Variants in FMNL3 observed in about 807,000 individuals in gnomAD.
FMNL3 encodes formin-like protein 3.
FMNL3 carries 57 observed loss-of-function variants against 119.6 expected under a neutral mutation model. That is an observed-to-expected ratio of 0.48 (90% CI 0.39 to 0.59). The LOEUF (loss-of-function observed/expected upper bound fraction) is 0.59. Among genes scored for constraint, FMNL3 ranks in the 20% least tolerant of loss-of-function variants. The pLI is 0.00. For missense variants in FMNL3, 1,053 were observed against 1,323.5 expected (o/e 0.80, Z 3.17); for synonymous variants, 491 against 507.3 (o/e 0.97, Z 0.43).
chr12:49,687,251 G>A (rs933918953), intron 1 of FMNL3, among the ~76,000 whole-genome samples: 11 of 150,474 alleles, frequency 7.3e-5, no homozygotes, highest in Non-Finnish European at 1.5e-4. Flanking sequence ...CCGCCACCAC[G>A]CCCGGCTAAT....
intron 1 of FMNL3, among the ~76,000 whole-genome samples, chr12:49,682,598 T>C: frequency 6.6e-6 from 1 of 152,264 alleles, no homozygotes; most frequent in Non-Finnish European, 1.5e-5. Context: ...CCTCCCGCCT[T>C]GGCCTCCCAA....
intron 5 of FMNL3, among the ~76,000 whole-genome samples, chr12:49,660,485 C>T (rs1943700473): frequency 6.6e-6 from 1 of 152,182 alleles, no homozygotes; most frequent in Non-Finnish European, 1.5e-5. Context: ...AAGAGAATCA[C>T]ACGAGGTATG....
chr12:49,694,068 C>T (rs1435677439), intron 1 of FMNL3, among the ~76,000 whole-genome samples: 1 of 152,030 alleles, frequency 6.6e-6, no homozygotes, highest in Non-Finnish European at 1.5e-5. Context: ...ACTACAGGCA[C>T]ATGCTACCAC....
At chr12:49,650,952 C>G in intron 16 of FMNL3, 74 bp from the exon 17 acceptor site, 1 of 1,555,820 alleles carries the variant, frequency 6.4e-7, no homozygotes, top group South Asian at 1.1e-5. Context: ...GCCCACCCAG[C>G]ATTGGCCCAG....
intron 1 of FMNL3, among the ~76,000 whole-genome samples, chr12:49,696,212 TATAATAC>T (rs1944746177): frequency 6.6e-6 from 1 of 152,196 alleles, no homozygotes; most frequent in Non-Finnish European, 1.5e-5. Context: ...CTAAACTGTT[TATAATAC>T]ATAATACAAT....
At chr12:49,668,607 G>C (rs910253919) in intron 1 of FMNL3, 53 bp from the exon 2 acceptor site, 21 of 1,532,024 alleles carry the variant, frequency 1.4e-5, no homozygotes, top group Non-Finnish European at 1.8e-5. Context: ...ATCTGGAAAA[G>C]AGAAAGACTA....
intron 4 of FMNL3, among the ~76,000 whole-genome samples, chr12:49,663,491 C>T (rs1479836725): frequency 6.6e-6 from 1 of 152,250 alleles, no homozygotes; most frequent in African/African-American, 2.4e-5. Flanking sequence ...GAAGCACCCA[C>T]AATCTGACAA....
chr12:49,665,789 G>T, intron 4 of FMNL3, 43 bp downstream of exon 4: 1 of 1,589,318 alleles, frequency 6.3e-7, no homozygotes, highest in Non-Finnish European at 8.6e-7. Context: ...CCAGCCAGCA[G>T]CCTGGGGCCA....
chr12:49,694,721 C>T (rs1013802535), intron 1 of FMNL3, among the ~76,000 whole-genome samples: 2 of 152,062 alleles, frequency 1.3e-5, no homozygotes, highest in Non-Finnish European at 2.9e-5. Context: ...ACCAGCCTGG[C>T]CAAGATGGTG....
rs183365573 is a variant in FMNL3, at chr12:49,641,140, T to G, written c.*4675A>C. 6.6e-6 allele frequency: 1 copy of G among 152,364 alleles called. No individual in the cohort carries two copies. The highest frequency in any genetic ancestry group is 6.5e-5 in the Admixed American group (1 of 15,308). The allele number at this position is 152,364 out of a possible 1,614,324, so 9.4% of individuals were successfully genotyped here. A position where few individuals can be genotyped will look rare whatever the true frequency, so the allele number is the denominator to read the frequency against. On this transcript the variant is annotated 3_prime_UTR_variant, in exon 26 of 26. Coordinates refer to ENST00000335154, the MANE Select transcript of FMNL3 (RefSeq NM_175736.5). The stretch of plus-strand genomic sequence containing the variant: ...GTCATCTTGGGCCAACTGAGATCAC[T>G]TTTCTAAGCCTCTGCTTCACTGGAA...
chr12:49,683,900 C>T (rs1355747193), intron 1 of FMNL3, among the ~76,000 whole-genome samples: 1 of 152,136 alleles, frequency 6.6e-6, no homozygotes, highest in Admixed American at 6.6e-5. Flanking sequence ...TCATGCTGTC[C>T]TCTCTACCTG....
chr12:49,643,976 C>T lies in FMNL3; in HGVS notation c.*1839G>A, dbSNP rs774647232. On this transcript the variant is annotated 3_prime_UTR_variant, in exon 26 of 26. Coordinates refer to ENST00000335154, the MANE Select transcript of FMNL3 (RefSeq NM_175736.5). ...CAACAGGCAGAGCTCCCTAACCGTT[C>T]CCCAGGCTTTGGAATCAAGAAGGAG... 3 of 1,614,176 alleles carry T rather than the reference C, an allele frequency of 1.9e-6. No individual in the cohort carries two copies. Among genetic ancestry groups the T allele is most frequent in the Admixed American group, 1.7e-5 (1 of 60,030 alleles).
At chr12:49,670,344 T>C (rs1446020588) in intron 1 of FMNL3, among the ~76,000 whole-genome samples, 2 of 152,224 alleles carry the variant, frequency 1.3e-5, no homozygotes, top group African/African-American at 4.8e-5. Flanking sequence ...TCAGATATAC[T>C]CCTAAACCAG....
rs749526968 is a variant in FMNL3 at position 49,649,061 on chromosome 12, T to A, written c.2483A>T (p.His828Leu). 6.2e-7 allele frequency: 1 copy of A among 1,610,520 alleles called. No individual in the cohort carries two copies. ...EKYPDLANFW[H>L]ELHFVEKAAA... ...AGCCTTCTCAACAAAGTGCAGCTCATGCCAGAAGTTAGCCAGGTCTGGGTA... is the reference window on the plus strand; with the variant it reads ...AGCCTTCTCAACAAAGTGCAGCTCAAGCCAGAAGTTAGCCAGGTCTGGGTA... The change falls in exon 21 of 26, where the codon CAT becomes CTT. Residue 828 changes from histidine to leucine, a missense_variant. Around this residue, in one of 4 missense-constraint regions of FMNL3, gnomAD observed 324 missense variants for 380.9 expected, o/e 0.85. Transcript: ENST00000335154. This position sits in a 1 kb window ranked among gnomAD's most constrained non-coding sequence, Gnocchi z 5.6.
At chr12:49,686,806 A>C (rs1944475200) in intron 1 of FMNL3, among the ~76,000 whole-genome samples, 1 of 152,080 alleles carries the variant, frequency 6.6e-6, no homozygotes, top group Non-Finnish European at 1.5e-5. Context: ...ATTTACAGTT[A>C]ATCAGCACCC....
intron 1 of FMNL3, among the ~76,000 whole-genome samples, chr12:49,695,446 A>G (rs1162549068): frequency 6.6e-6 from 1 of 152,242 alleles, no homozygotes; most frequent in Non-Finnish European, 1.5e-5. Flanking sequence ...AGTTAGTGAC[A>G]TTTAAGCTGA....
Position 49,658,546 on chromosome 12 carries a change from T to A in FMNL3, c.501A>T (p.Lys167Asn). 6.2e-7 allele frequency: 1 copy of A among 1,612,470 alleles called. No individual in the cohort carries two copies. Among genetic ancestry groups the A allele is most frequent in the South Asian group, 1.1e-5 (1 of 90,902 alleles). Residue 167 changes from lysine (K) to asparagine (N), a missense_variant, in exon 6 of 26, where the codon AAA (lysine) becomes AAT (asparagine). Around this residue, in one of 4 missense-constraint regions of FMNL3, gnomAD observed 264 missense variants for 265.5 expected, o/e 0.99. Transcript: ENST00000335154. ...LESGDDGAFD[K>N]LRSWSRSIED... is the part of the protein sequence containing the mutation. ...CGATTGACCTGCTCCAGGACCGGAGTTTGTCAAATGCACCATCGTCACCAC... is the reference window on the plus strand; with the variant it reads ...CGATTGACCTGCTCCAGGACCGGAGATTGTCAAATGCACCATCGTCACCAC...
Position 49,643,619 on chromosome 12 carries a change from GA to G in FMNL3, c.*2195del. ...GGTTCCTGCCTGTGAAGAATGAACAGAGGGGCTAGAACAAAGAAAAAGAGCC... is the reference window on the plus strand; with the variant it reads ...GGTTCCTGCCTGTGAAGAATGAACAGGGGGCTAGAACAAAGAAAAAGAGCC... On this transcript the variant is annotated 3_prime_UTR_variant, in exon 26 of 26. Transcript: ENST00000335154. 4.0e-6 allele frequency: 6 copies of G among 1,513,226 alleles called. No individual in the cohort carries two copies. The Middle Eastern group carries it at 5.2e-4, about 132-fold the overall frequency. The allele number at this position is 1,513,226 out of a possible 1,614,324, so 93.7% of individuals were successfully genotyped here.
chr12:49,648,177 T>C lies in FMNL3; in HGVS notation c.2676+16A>G, dbSNP rs745537090. ...CTTGGCCCTGGTTGCTCCCACCGCC[T>C]GCACCCCGTGCTTGCCTCAGCCGTC... On this transcript the variant is annotated intron_variant, in intron 22 of 25. Transcript: ENST00000335154. 24 of 1,607,458 alleles carry C rather than the reference T, an allele frequency of 1.5e-5. No individual in the cohort carries two copies. In the South Asian group the frequency reaches 2.0e-4, roughly 13 times the overall value.
Sources: gnomAD v4.1 joint callset for allele counts (sites outside exome capture counted in the v4.1 genomes callset) on GRCh38, gnomAD v4.1.1 for gene constraint, gnomAD v4.1.1 regional missense constraint, Gnocchi (gnomAD v3.1) non-coding constraint, MANE v1.5 for transcripts, NCBI Gene and HGNC (gene_info 2026-07-23, HGNC 2026-07-21) for gene names.